Variants in TSHR observed in about 807,000 individuals in gnomAD.
The protein encoded by TSHR is thyrotropin receptor.
TSHR carries 51 observed loss-of-function variants against 64.1 expected under a neutral mutation model. The ratio of observed to expected loss-of-function variants is 0.80; its 90% CI spans 0.64 to 1.01. TSHR has a LOEUF of 1.01. Among genes scored for constraint, TSHR ranks in the 50% least tolerant of loss-of-function variants. The pLI, the probability that TSHR is intolerant of heterozygous loss-of-function variation, is 0.00. For missense variants in TSHR, 877 were observed against 942.8 expected, an observed-to-expected ratio of 0.93 and a Z score of 0.91; for synonymous variants, 361 against 361.9, an observed-to-expected ratio of 1.00 and a Z score of 0.03.
intron 8 of TSHR, among the ~76,000 whole-genome samples, chr14:81,113,132 C>T (rs1286764445): frequency 6.6e-6 from 1 of 152,118 alleles, no homozygotes; most frequent in Non-Finnish European, 1.5e-5. Flanking sequence ...AAGAAGACCA[C>T]TTAGGAATAT....
At chr14:81,129,501 T>A (rs926169031) in intron 8 of TSHR, among the ~76,000 whole-genome samples, 1 of 152,210 alleles carries the variant, frequency 6.6e-6, no homozygotes, top group Non-Finnish European at 1.5e-5. Flanking sequence ...ACATAGCAAG[T>A]GATTTCACCT....
At chr14:81,030,839 G>C (rs962740632) in intron 1 of TSHR, among the ~76,000 whole-genome samples, 1 of 152,072 alleles carries the variant, frequency 6.6e-6, no homozygotes, top group African/African-American at 2.4e-5. Context: ...CAATAAGATT[G>C]TCAGTAGGAA....
intron 1 of TSHR, among the ~76,000 whole-genome samples, chr14:81,034,081 A>T (rs1282601055): frequency 2.0e-5 from 3 of 152,186 alleles, no homozygotes; most frequent in Admixed American, 2.0e-4. Flanking sequence ...CCAAGCCCTC[A>T]TATGTTTAGA....
chr14:81,114,983 G>T (rs997123025), intron 8 of TSHR, among the ~76,000 whole-genome samples: 1 of 152,024 alleles, frequency 6.6e-6, no homozygotes, highest in Non-Finnish European at 1.5e-5. Context: ...TCTGTTAGAA[G>T]GAAAACTAAC....
At chr14:81,091,535 T>C (rs1197135867) in intron 5 of TSHR, among the ~76,000 whole-genome samples, 1 of 152,370 alleles carries the variant, frequency 6.6e-6, no homozygotes, top group African/African-American at 2.4e-5. Context: ...TTTTTGTTTT[T>C]AAATGGAAGA....
rs148640823 is a variant in TSHR at position 81,083,640 on chromosome 14, C to T, written c.318-4314C>T. 1.7e-3 allele frequency among the ~76,000 whole-genome samples: 266 copies of T among 152,222 alleles called. 1 individual carries two copies. Among genetic ancestry groups the T allele is most frequent in the Middle Eastern group, 0.014 (4 of 294 alleles). On this transcript the variant is annotated intron_variant, in intron 3 of 9. Transcript: ENST00000298171. ...TGCATCACACGAGTCAGTTATGTTG[C>T]TCCCTCACTAGGAGGAAATTCACAC...
chr14:80,961,885 A>T (rs77837899), intron 1 of TSHR, among the ~76,000 whole-genome samples: 165 of 152,348 alleles, frequency 1.1e-3, no homozygotes, highest in Non-Finnish European at 1.9e-3. Context: ...AATGAAAACA[A>T]ATTTAATGTA....
intron 8 of TSHR, among the ~76,000 whole-genome samples, chr14:81,133,568 A>C (rs1891336312): frequency 6.6e-6 from 1 of 152,220 alleles, no homozygotes; most frequent in Admixed American, 6.5e-5. Context: ...CTCCCCACTA[A>C]GCTGAAGAGG....
At chr14:81,029,663 G>C (rs900086725) in intron 1 of TSHR, among the ~76,000 whole-genome samples, 1 of 152,160 alleles carries the variant, frequency 6.6e-6, no homozygotes, top group African/African-American at 2.4e-5. Flanking sequence ...ATGAGTGTGT[G>C]CCATTCTGGG....
intron 8 of TSHR, among the ~76,000 whole-genome samples, chr14:81,112,574 C>T (rs549557482): frequency 6.6e-6 from 1 of 152,286 alleles, no homozygotes; most frequent in Non-Finnish European, 1.5e-5. Context: ...CATTCCTATC[C>T]AATCCCAACA....
At chr14:80,964,149 C>T (rs530237098) in intron 1 of TSHR, among the ~76,000 whole-genome samples, 7 of 152,186 alleles carry the variant, frequency 4.6e-5, no homozygotes, top group African/African-American at 1.7e-4. Flanking sequence ...GGGCGGATCA[C>T]GAGGTCAGGA....
intron 1 of TSHR, among the ~76,000 whole-genome samples, chr14:81,027,882 G>T (rs1884152194): frequency 6.6e-6 from 1 of 152,214 alleles, no homozygotes; most frequent in South Asian, 2.1e-4. Flanking sequence ...AGAGGGAAAT[G>T]AAAATGGGAG....
Position 80,955,842 on chromosome 14 carries a change from G to T in TSHR, c.162G>T (p.Thr54=). The part of the protein sequence containing the change: ...IQRIPSLPPS[T]QTLKLIETHL... ...GCATCCCCAGCTTACCGCCCAGTAC[G>T]CAGACTCTGTGAGTACCCGGGAGAG... Residue 54 remains threonine (T), a synonymous_variant, in exon 1 of 10, where the codon ACG becomes ACT. Transcript: ENST00000298171. The T allele has an allele frequency of 6.2e-7, 1 of 1,614,188 alleles. No homozygotes were observed. The highest frequency in any genetic ancestry group is 8.5e-7 in the Non-Finnish European group (1 of 1,180,042).
chr14:81,008,171 CTTTCT>C (rs1268216184), intron 1 of TSHR, among the ~76,000 whole-genome samples: 2 of 119,354 alleles, frequency 1.7e-5, no homozygotes, highest in Non-Finnish European at 3.4e-5. Flanking sequence ...CATTTTCTTT[CTTTCT>C]TTTTTTTTTT....
intron 1 of TSHR, among the ~76,000 whole-genome samples, chr14:80,984,015 G>C (rs760888644): frequency 5.3e-5 from 8 of 152,140 alleles, no homozygotes; most frequent in Non-Finnish European, 1.0e-4. Context: ...AGTTATAGAA[G>C]TAAGGCATAC....
At chr14:80,964,402 T>G (rs1013415599) in intron 1 of TSHR, among the ~76,000 whole-genome samples, 1 of 152,202 alleles carries the variant, frequency 6.6e-6, no homozygotes, top group Non-Finnish European at 1.5e-5. Context: ...ATAAAACATA[T>G]TGTTAAATGA....
At chr14:80,999,187 T>C (rs960901801) in intron 1 of TSHR, among the ~76,000 whole-genome samples, 17 of 152,240 alleles carry the variant, frequency 1.1e-4, no homozygotes, top group African/African-American at 3.1e-4. Flanking sequence ...ATTCATCTTT[T>C]GAATACATAG....
intron 3 of TSHR, among the ~76,000 whole-genome samples, chr14:81,076,526 C>T (rs895581682): frequency 2.6e-5 from 4 of 152,090 alleles, no homozygotes; most frequent in East Asian, 1.9e-4. Context: ...TCTTGATTGT[C>T]GTCCTGAAAT....
chr14:81,010,868 C>T (rs918405975), intron 1 of TSHR, among the ~76,000 whole-genome samples: 14 of 152,026 alleles, frequency 9.2e-5, no homozygotes, highest in Admixed American at 8.5e-4. Context: ...AGAAACTCAC[C>T]CCAACTATCT....
Sources: gnomAD v4.1 joint callset for allele counts (sites outside exome capture counted in the v4.1 genomes callset) on GRCh38, gnomAD v4.1.1 for gene constraint, MANE v1.5 for transcripts, NCBI Gene and HGNC (gene_info 2026-07-23, HGNC 2026-07-21) for gene names.